Variants in MMP16 observed in about 807,000 individuals in gnomAD.
MMP16 encodes matrix metalloproteinase-16.
Under a neutral mutation model 67.8 loss-of-function variants are expected in MMP16, and 12 were observed. That is an observed-to-expected ratio of 0.18 (90% CI 0.11 to 0.29). The LOEUF (loss-of-function observed/expected upper bound fraction) is 0.29, where lower values mean the gene tolerates loss of function less well. MMP16 is among the 10% of genes least tolerant of loss of function. The pLI, the probability that MMP16 is intolerant of heterozygous loss-of-function variation, is 1.00. For synonymous variants in MMP16, 249 were observed against 255.9 expected, an observed-to-expected ratio of 0.97 and a Z score of 0.26; for missense variants, 475 against 765.7, an observed-to-expected ratio of 0.62 and a Z score of 4.48.
chr8:88,246,469 T>C lies in MMP16; in HGVS notation c.133-49163A>G, dbSNP rs186725225. 2.5e-4 allele frequency among the ~76,000 whole-genome samples: 38 copies of C among 152,314 alleles called. No individual in the cohort carries two copies. The East Asian group carries it at 7.1e-3, about 29-fold the overall frequency. ...TCACCTTGAAGACTGTGTAGCGATC[T>C]CATATCAACTATTAAGATGGTTGAA... On this transcript the variant is annotated intron_variant, in intron 1 of 9. Transcript: ENST00000286614.
chr8:88,289,978 G>A (rs1810897313), intron 1 of MMP16, among the ~76,000 whole-genome samples: 1 of 152,006 alleles, frequency 6.6e-6, no homozygotes, highest in African/African-American at 2.4e-5. Flanking sequence ...ATATCTGAAG[G>A]CAGAACTCTC....
intron 6 of MMP16, among the ~76,000 whole-genome samples, chr8:88,085,827 TA>T (rs1421072962): frequency 6.6e-6 from 1 of 152,030 alleles, no homozygotes; most frequent in Non-Finnish European, 1.5e-5. Context: ...ATTTATAGTC[TA>T]AAAATGTTAA....
intron 4 of MMP16, among the ~76,000 whole-genome samples, chr8:88,147,875 G>C (rs117583394): frequency 0.022 from 3,291 of 151,618 alleles, 51 homozygotes; most frequent in Non-Finnish European, 0.034. Flanking sequence ...TTTACTTCTA[G>C]ATAATTATCA....
chr8:88,175,765 G>C (rs1808877705), intron 3 of MMP16, among the ~76,000 whole-genome samples: 1 of 152,126 alleles, frequency 6.6e-6, no homozygotes, highest in Admixed American at 6.5e-5. Context: ...ATCCCCATGT[G>C]TCCTGGGAGG....
chr8:88,079,843 C>T (rs1468132284), intron 6 of MMP16, among the ~76,000 whole-genome samples: 2 of 152,132 alleles, frequency 1.3e-5, no homozygotes, highest in East Asian at 3.9e-4. Flanking sequence ...TAACAGGTGC[C>T]ATTTATGAAA....
chr8:88,312,891 C>T (rs1253108935), intron 1 of MMP16, among the ~76,000 whole-genome samples: 1 of 152,066 alleles, frequency 6.6e-6, no homozygotes, highest in Non-Finnish European at 1.5e-5. Context: ...TTGCTTGAAC[C>T]CAGAAGGCAG....
chr8:88,138,375 C>G (rs1005394204), intron 4 of MMP16, among the ~76,000 whole-genome samples: 2 of 151,930 alleles, frequency 1.3e-5, no homozygotes, highest in African/African-American at 4.8e-5. Flanking sequence ...AGGCCCTATA[C>G]TCTAATTTTC....
At chr8:88,247,447 A>G (rs1167766152) in intron 1 of MMP16, among the ~76,000 whole-genome samples, 1 of 152,084 alleles carries the variant, frequency 6.6e-6, no homozygotes, top group Non-Finnish European at 1.5e-5. Flanking sequence ...TATGGAGGAA[A>G]CACGTGGCAC....
intron 1 of MMP16, among the ~76,000 whole-genome samples, chr8:88,276,892 T>C (rs1810657514): frequency 6.6e-6 from 1 of 152,130 alleles, no homozygotes; most frequent in African/African-American, 2.4e-5. Context: ...AATTATATAG[T>C]GATTCAGTTG....
intron 1 of MMP16, among the ~76,000 whole-genome samples, chr8:88,312,047 G>C (rs1811303306): frequency 6.6e-6 from 1 of 152,194 alleles, no homozygotes; most frequent in Non-Finnish European, 1.5e-5. Context: ...GGTGATACCA[G>C]CACAGTGGTG....
rs1050537811 is a variant in MMP16 at position 88,032,325 on chromosome 8, T to C, written c.*9136A>G. ...CCGCAGCAGTCAAAGGGTTATAGCATTGTAAACATAAGTACTTTGTGGAAA... is the reference window on the plus strand; with the variant it reads ...CCGCAGCAGTCAAAGGGTTATAGCACTGTAAACATAAGTACTTTGTGGAAA... On this transcript the variant is annotated 3_prime_UTR_variant, in exon 10 of 10. Coordinates refer to ENST00000286614, the MANE Select transcript of MMP16 (RefSeq NM_005941.5). The C allele has an allele frequency of 1.3e-5, 2 of 152,192 alleles. No homozygotes were observed. The highest frequency in any genetic ancestry group is 2.4e-5 in the African/African-American group (1 of 41,458). The allele number at this position is 152,192 out of a possible 1,614,324, so 9.4% of individuals were successfully genotyped here.
At chr8:88,262,436 A>G (rs1017646823) in intron 1 of MMP16, among the ~76,000 whole-genome samples, 78 of 152,332 alleles carry the variant, frequency 5.1e-4, no homozygotes, top group Middle Eastern at 6.8e-3. Context: ...ACTTCATCAG[A>G]AACGGAGGTT....
At chr8:88,147,372 A>C (rs551802662) in intron 4 of MMP16, among the ~76,000 whole-genome samples, 81 of 152,174 alleles carry the variant, frequency 5.3e-4, no homozygotes, top group African/African-American at 1.8e-3. Flanking sequence ...ATTATCCAAT[A>C]AACTTTTCTT....
chr8:88,234,023 T>C (rs975857755), intron 1 of MMP16, among the ~76,000 whole-genome samples: 1 of 152,200 alleles, frequency 6.6e-6, no homozygotes, highest in African/African-American at 2.4e-5. Flanking sequence ...AATAATATTA[T>C]GCAATTAAAG....
intron 1 of MMP16, among the ~76,000 whole-genome samples, chr8:88,231,176 T>C (rs1382539619): frequency 1.3e-5 from 2 of 152,152 alleles, no homozygotes; most frequent in African/African-American, 2.4e-5. Context: ...GTATCTATGA[T>C]GGTTTTGAGA....
intron 3 of MMP16, among the ~76,000 whole-genome samples, chr8:88,168,615 C>T (rs1415608845): frequency 2.0e-5 from 3 of 152,090 alleles, no homozygotes; most frequent in Non-Finnish European, 2.9e-5. Context: ...TGTCCTGATG[C>T]TAATAACAAA....
intron 3 of MMP16, among the ~76,000 whole-genome samples, chr8:88,169,727 CAGGTTCAAAGAACAGCA>C (rs1808769186): frequency 6.6e-6 from 1 of 152,082 alleles, no homozygotes; most frequent in Admixed American, 6.6e-5. Context: ...ATATTCTTGG[CAGGTTCAAAGAACAGCA>C]AGGCAGCTGG....
At position 88,038,572 on chromosome 8, in the gene MMP16, C is replaced by T. The variant is rs1000378508; in HGVS notation, c.*2889G>A. 2.6e-5 allele frequency: 4 copies of T among 152,536 alleles called. No individual in the cohort carries two copies. Among genetic ancestry groups the T allele is most frequent in the Non-Finnish European group, 5.9e-5 (4 of 67,972 alleles). The allele number at this position is 152,536 out of a possible 1,614,324, so 9.4% of individuals were successfully genotyped here. ...TGATGGAGTTCCTCAATGATTTGCA[C>T]ATGTCCCAAAATGACACAGTTCCTC... On this transcript the variant is annotated 3_prime_UTR_variant, in exon 10 of 10. Coordinates refer to ENST00000286614, the MANE Select transcript of MMP16 (RefSeq NM_005941.5). The surrounding 1 kb of genome is among the most constrained non-coding windows in gnomAD (Gnocchi z 4.1).
At chr8:88,229,668 C>T (rs945446404) in intron 1 of MMP16, among the ~76,000 whole-genome samples, 8 of 151,344 alleles carry the variant, frequency 5.3e-5, no homozygotes, top group Admixed American at 3.3e-4. Flanking sequence ...GAAGGGGCCA[C>T]AGCTATGACT....
Sources: allele counts gnomAD v4.1 joint callset (sites outside exome capture counted in the v4.1 genomes callset), GRCh38; gene constraint gnomAD v4.1.1; non-coding constraint Gnocchi (gnomAD v3.1); transcripts MANE v1.5; gene names NCBI Gene and HGNC (gene_info 2026-07-23, HGNC 2026-07-21).